ARHGAP6: variants seen among roughly 807,000 people sequenced by gnomAD.
ARHGAP6 encodes rho GTPase-activating protein 6.
Under a neutral mutation model 55.7 loss-of-function variants are expected in ARHGAP6, and 16 were observed. That is an observed-to-expected ratio of 0.29 (90% CI 0.19 to 0.44). The LOEUF (loss-of-function observed/expected upper bound fraction) is 0.44, where lower values mean the gene tolerates loss of function less well. Ranked by LOEUF, ARHGAP6 falls within the 20% of genes least tolerant of loss-of-function variation. The pLI is 1.00. For missense variants in ARHGAP6, 698 were observed against 808.9 expected, an observed-to-expected ratio of 0.86 and a Z score of 1.66; for synonymous variants, 382 against 360.9, an observed-to-expected ratio of 1.06 and a Z score of -0.66.
In ARHGAP6 at chrX:11,188,849, C is replaced by A; in HGVS notation, c.956G>T (p.Gly319Val). ...SDFVASLLPF[G>V]NKRQNKELSS... ...GAGTTCTTTGTTTTGTCTTTTATTT[C>A]CAAATGGGAGGAGGGAAGCCACAAA... is the stretch of plus-strand genomic sequence containing the variant. Residue 319 changes from glycine (G) to valine (V), a missense_variant, in exon 4 of 13, where the codon GGA becomes GTA. Gly to Val is a moderately radical substitution (Grantham distance 109). Coordinates refer to ENST00000337414, the MANE Select transcript of ARHGAP6 (RefSeq NM_013427.3). 1 of 1,211,291 alleles carries A rather than the reference C, an allele frequency of 8.3e-7. No individual in the cohort carries two copies. The highest frequency in any genetic ancestry group is 1.1e-6 in the Non-Finnish European group (1 of 895,465).
intron 1 of ARHGAP6, among the ~76,000 whole-genome samples, chrX:11,405,527 AT>A (rs1175463733): frequency 8.9e-6 from 1 of 112,156 alleles, no homozygotes; most frequent in Non-Finnish European, 1.9e-5. Flanking sequence ...GGTTTACTGT[AT>A]GATTATTACA....
At chrX:11,340,380 C>T (rs1057309236) in intron 1 of ARHGAP6, among the ~76,000 whole-genome samples, 1 of 111,966 alleles carries the variant, frequency 8.9e-6, no homozygotes, top group African/African-American at 3.3e-5. Context: ...TTCTTCTCCT[C>T]CTCCAGTCCT....
rs774324283 is a variant in ARHGAP6, at chrX:11,277,644, T to C, written c.589-22937A>G. On this transcript the variant is annotated intron_variant, in intron 1 of 12. Coordinates refer to ENST00000337414, the MANE Select transcript of ARHGAP6 (RefSeq NM_013427.3). ...AACACAATCCTTCAGTTTCTTTTGC[T>C]TTTTACAGTCTGATGAATATGAGTG... Among the ~76,000 whole-genome samples the C allele has an allele frequency of 5.4e-5, 6 of 111,126 alleles. No individual in the cohort carries two copies. In the South Asian group the frequency reaches 2.3e-3, roughly 43 times the overall value.
intron 1 of ARHGAP6, among the ~76,000 whole-genome samples, chrX:11,435,650 T>C (rs962634867): frequency 1.1e-4 from 12 of 112,190 alleles, no homozygotes; most frequent in African/African-American, 3.9e-4. Flanking sequence ...AGTGGTAGTA[T>C]GATGCAGAAA....
At position 11,151,372 on chromosome X, in the gene ARHGAP6, C is replaced by T. The variant is rs1203387594; in HGVS notation, c.1907+5157G>A. Among the ~76,000 whole-genome samples, 4 of 109,737 alleles carry T rather than the reference C, an allele frequency of 3.6e-5. No individual in the cohort carries two copies. The East Asian group carries it at 8.5e-4, about 23-fold the overall frequency. On this transcript the variant is annotated intron_variant, in intron 10 of 12. Transcript: ENST00000337414. ...CACAAAACCCCGGGCTCAGGTGATC[C>T]TCCTGCCTCATCCTCCCGAGTAGCT...
At chrX:11,469,029 A>G (rs2050323022) in intron 1 of ARHGAP6, among the ~76,000 whole-genome samples, 1 of 112,502 alleles carries the variant, frequency 8.9e-6, no homozygotes, top group Admixed American at 9.4e-5. Flanking sequence ...ATCAGGAAGA[A>G]GGTCCTTAGT....
At chrX:11,644,043 TGTTA>T (rs2052502817) in intron 1 of ARHGAP6, among the ~76,000 whole-genome samples, 1 of 111,917 alleles carries the variant, frequency 8.9e-6, no homozygotes, top group Admixed American at 9.5e-5. Flanking sequence ...TGTGGTTGTC[TGTTA>T]TACAACTTTA....
At chrX:11,656,514 T>C (rs1022412579) in intron 1 of ARHGAP6, among the ~76,000 whole-genome samples, 2 of 112,418 alleles carry the variant, frequency 1.8e-5, no homozygotes, top group Admixed American at 1.9e-4. Flanking sequence ...GTTCTAAGAA[T>C]CCATTTCTTT....
intron 1 of ARHGAP6, among the ~76,000 whole-genome samples, chrX:11,550,995 TA>T (rs992995616): frequency 1.8e-5 from 2 of 111,505 alleles, no homozygotes; most frequent in African/African-American, 6.5e-5. Context: ...ATAAATTCTT[TA>T]GGGGGCATTG....
intron 1 of ARHGAP6, among the ~76,000 whole-genome samples, chrX:11,418,651 A>C (rs187791702): frequency 2.6e-4 from 29 of 112,028 alleles, no homozygotes; most frequent in African/African-American, 8.7e-4. Flanking sequence ...TAGATTAATG[A>C]CAAAATATAC....
Position 11,138,775 on chromosome X carries a change from C to G in ARHGAP6, c.*88G>C. ...TTTTGAGAAGTGTGAAAGAAGAACA[C>G]TAAGTGTGCCAGTGGCCACCACCCA... On this transcript the variant is annotated 3_prime_UTR_variant, in exon 13 of 13. Coordinates refer to ENST00000337414, the MANE Select transcript of ARHGAP6 (RefSeq NM_013427.3). 1 of 974,702 alleles carries G rather than the reference C, an allele frequency of 1.0e-6. No individual in the cohort carries two copies. Among genetic ancestry groups the G allele is most frequent in the South Asian group, 2.1e-5 (1 of 47,067 alleles). 80.3% of individuals were successfully genotyped at this position (974,702 alleles called of 1,213,427 possible).
intron 1 of ARHGAP6, among the ~76,000 whole-genome samples, chrX:11,459,376 A>T (rs1471602493): frequency 9.0e-6 from 1 of 111,701 alleles, no homozygotes; most frequent in East Asian, 2.8e-4. Flanking sequence ...AGGGAAAGGA[A>T]GATCCAAACA....
At chrX:11,178,483 TAAAAA>T (rs76166465) in intron 7 of ARHGAP6, among the ~76,000 whole-genome samples, 1 of 96,871 alleles carries the variant, frequency 1.0e-5, no homozygotes, top group African/African-American at 3.8e-5. Flanking sequence ...GTAATCCAGG[TAAAAA>T]AAAAAAAAAG....
At chrX:11,664,131 C>A in intron 1 of ARHGAP6, 110 bp downstream of exon 1, 1 of 771,287 alleles carries the variant, frequency 1.3e-6, no homozygotes, top group Non-Finnish European at 1.8e-6. Context: ...ACCACGGAAA[C>A]CCCTTAGTGG....
At chrX:11,249,161 T>TC (rs1284978023) in intron 2 of ARHGAP6, among the ~76,000 whole-genome samples, 5 of 111,667 alleles carry the variant, frequency 4.5e-5, no homozygotes, top group Admixed American at 9.5e-5. Flanking sequence ...CTAAGTGAAG[T>TC]AACTCAGGAA....
chrX:11,628,631 T>TA (rs1225969456), intron 1 of ARHGAP6, among the ~76,000 whole-genome samples: 1 of 112,487 alleles, frequency 8.9e-6, no homozygotes, highest in East Asian at 2.8e-4. Context: ...CAATTTTAGG[T>TA]ACTGCTGTGA....
At chrX:11,386,930 T>A (rs1192880222) in intron 1 of ARHGAP6, among the ~76,000 whole-genome samples, 4 of 111,984 alleles carry the variant, frequency 3.6e-5, no homozygotes, top group African/African-American at 1.3e-4. Flanking sequence ...GGACTGAGGT[T>A]AACAGTTGAA....
chrX:11,329,247 C>G (rs771898998), intron 1 of ARHGAP6, among the ~76,000 whole-genome samples: 1 of 111,705 alleles, frequency 9.0e-6, no homozygotes, highest in South Asian at 3.8e-4. Flanking sequence ...CATCAGCTCT[C>G]TGTAAGATGG....
intron 2 of ARHGAP6, among the ~76,000 whole-genome samples, chrX:11,208,757 C>T (rs1467441164): frequency 8.9e-6 from 1 of 111,946 alleles, no homozygotes; most frequent in African/African-American, 3.3e-5. Context: ...GTCATGCAGA[C>T]AGTCTGCCAT....
Sources: gnomAD v4.1 joint callset for allele counts (sites outside exome capture counted in the v4.1 genomes callset) on GRCh38, gnomAD v4.1.1 for gene constraint, MANE v1.5 for transcripts, NCBI Gene and HGNC (gene_info 2026-07-23, HGNC 2026-07-21) for gene names.